Variants in WDR76 observed in about 807,000 individuals in gnomAD.
The protein encoded by WDR76 is WD repeat domain 76.
In WDR76, 52 loss-of-function variants were observed where a neutral mutation model predicts 70.2. The ratio of observed to expected loss-of-function variants is 0.74; its 90% CI spans 0.59 to 0.93. The LOEUF is 0.93. Among genes scored for constraint, WDR76 ranks in the 40% least tolerant of loss-of-function variants. WDR76 has a pLI of 0.00. For synonymous variants in WDR76, 292 were observed against 271.1 expected, an observed-to-expected ratio of 1.08 and a Z score of -0.76; for missense variants, 756 against 760.2, an observed-to-expected ratio of 0.99 and a Z score of 0.07.
At chr15:43,856,794 C>A (rs2087933308) in intron 9 of WDR76, 152 bp from the exon 10 acceptor site, 1 of 641,140 alleles carries the variant, frequency 1.6e-6, no homozygotes, top group Non-Finnish European at 2.7e-6. Flanking sequence ...GACTGTGTTT[C>A]CATTATGTCC....
intron 8 of WDR76, among the ~76,000 whole-genome samples, chr15:43,845,402 C>T (rs970647052): frequency 1.3e-5 from 2 of 150,024 alleles, no homozygotes; most frequent in African/African-American, 4.8e-5. Flanking sequence ...AGATTAGTGC[C>T]CTTATAAAAG....
intron 8 of WDR76, 22 bp from the exon 9 acceptor site, chr15:43,851,065 C>G: frequency 6.2e-7 from 1 of 1,610,380 alleles, no homozygotes; most frequent in South Asian, 1.1e-5. Context: ...TCTCTCTCCC[C>G]TTTCCCGCAA....
intron 8 of WDR76, among the ~76,000 whole-genome samples, chr15:43,850,148 A>G (rs1595447336): frequency 6.6e-6 from 1 of 152,284 alleles, no homozygotes; most frequent in East Asian, 1.9e-4. Flanking sequence ...GCATAGAAAC[A>G]TAACTTGTTC....
In WDR76 at chr15:43,828,382, G is replaced by A; in HGVS notation, c.462+16G>A. The A allele has an allele frequency of 6.4e-7, 1 of 1,572,458 alleles. No individual in the cohort carries two copies. Among genetic ancestry groups the A allele is most frequent in the Non-Finnish European group, 8.6e-7 (1 of 1,162,962 alleles). ...ACCATCCCTGGTAAGAACTTAATTA[G>A]TAGCTTGTTCTGGTTTCTCTTTTTT... On this transcript the variant is annotated intron_variant, in intron 2 of 12. Transcript: ENST00000263795.
intron 12 of WDR76, 25 bp from the exon 13 acceptor site, chr15:43,866,103 A>C (rs1270158187): frequency 1.2e-6 from 2 of 1,609,692 alleles, no homozygotes; most frequent in Non-Finnish European, 1.7e-6. Context: ...ACTTCATTTA[A>C]AAAATATATT....
chr15:43,828,144 G>T lies in WDR76; in HGVS notation c.240G>T (p.Ala80=). Residue 80 remains alanine (A), a synonymous_variant, in exon 2 of 13, where the codon GCG becomes GCT. Coordinates refer to ENST00000263795, the MANE Select transcript of WDR76 (RefSeq NM_024908.4). ...LSEKNSNNEV[A]CKKTKIKKTC... ...AAAAGAATTCTAACAATGAAGTGGC[G>T]TGTAAGAAGACTAAAATAAAGAAAA... The T allele has an allele frequency of 1.9e-6, 3 of 1,614,116 alleles. No individual in the cohort carries two copies. Among genetic ancestry groups the T allele is most frequent in the Non-Finnish European group, 2.5e-6 (3 of 1,180,042 alleles).
rs2087754903 is a variant in WDR76, at chr15:43,843,882, A to G, written c.879-19A>G. The G allele has an allele frequency of 2.0e-6, 3 of 1,538,394 alleles. No homozygotes were observed. Among genetic ancestry groups the G allele is most frequent in the Non-Finnish European group, 2.6e-6 (3 of 1,141,200 alleles). ...GAGATTGGTTTTACTTACAAAATTT[A>G]ACTTTGTAATTTTCTTAGCTACAAA... On this transcript the variant is annotated intron_variant, in intron 7 of 12. Transcript: ENST00000263795.
At chr15:43,838,919 AG>A (rs1363722087) in intron 4 of WDR76, among the ~76,000 whole-genome samples, 1 of 152,174 alleles carries the variant, frequency 6.6e-6, no homozygotes, top group African/African-American at 2.4e-5. Context: ...TACAGTTTTT[AG>A]TATATAGTAT....
chr15:43,844,360 G>A (rs1298033017), intron 8 of WDR76, among the ~76,000 whole-genome samples: 1 of 152,192 alleles, frequency 6.6e-6, no homozygotes, highest in East Asian at 1.9e-4. Flanking sequence ...GGTCACGCCT[G>A]TAATGCCAGC....
chr15:43,835,411 T>G (rs1405048688), intron 3 of WDR76, among the ~76,000 whole-genome samples: 1 of 148,920 alleles, frequency 6.7e-6, no homozygotes, highest in Non-Finnish European at 1.5e-5. Flanking sequence ...ATGGCTTGAG[T>G]TTGGAAAGTC....
chr15:43,845,006 G>A (rs1260261748), intron 8 of WDR76, among the ~76,000 whole-genome samples: 1 of 138,340 alleles, frequency 7.2e-6, no homozygotes, highest in African/African-American at 2.6e-5. Context: ...CTGTCGCCCA[G>A]GCTGGAGTGC....
chr15:43,842,164 G>C (rs2140302340), intron 5 of WDR76, among the ~76,000 whole-genome samples: 1 of 152,270 alleles, frequency 6.6e-6, no homozygotes, highest in South Asian at 2.1e-4. Flanking sequence ...TCAATCCACT[G>C]TCTTTAAAAT....
chr15:43,839,798 A>G (rs2087702247), intron 5 of WDR76, 70 bp downstream of exon 5: 1 of 1,427,410 alleles, frequency 7.0e-7, no homozygotes, highest in Non-Finnish European at 9.4e-7. Flanking sequence ...TTGAAACTAG[A>G]CTAAAAGTTC....
Position 43,827,015 on chromosome 15 carries a change from C to A in WDR76, c.-18C>A. On this transcript the variant is annotated 5_prime_UTR_variant, in exon 1 of 13. Coordinates refer to ENST00000263795, the MANE Select transcript of WDR76 (RefSeq NM_024908.4). ...CGCAATCTTGGCGGGAAGGCGCCGG[C>A]CGCTAAGAAGCCGAAAGATGTCCAG... 6.2e-7 allele frequency: 1 copy of A among 1,612,904 alleles called. No homozygotes were observed. Among genetic ancestry groups the A allele is most frequent in the Non-Finnish European group, 8.5e-7 (1 of 1,179,836 alleles).
chr15:43,839,457 A>G, intron 4 of WDR76, 148 bp from the exon 5 acceptor site: 3 of 825,456 alleles, frequency 3.6e-6, no homozygotes, highest in Non-Finnish European at 5.1e-6. Context: ...CATACTTCTT[A>G]TTAAGATAAT....
chr15:43,841,250 T>A (rs1198094905), intron 5 of WDR76, among the ~76,000 whole-genome samples: 2 of 148,132 alleles, frequency 1.4e-5, no homozygotes, highest in African/African-American at 5.0e-5. Context: ...TTGCCCAGGC[T>A]GGAGTGCGGT....
intron 9 of WDR76, among the ~76,000 whole-genome samples, chr15:43,852,960 C>T (rs979567347): frequency 2.6e-5 from 4 of 152,132 alleles, no homozygotes; most frequent in African/African-American, 9.7e-5. Flanking sequence ...GCAATCTTGG[C>T]TCACTGCAAC....
At chr15:43,853,959 G>T (rs2087896689) in intron 9 of WDR76, among the ~76,000 whole-genome samples, 2 of 151,564 alleles carry the variant, frequency 1.3e-5, no homozygotes, top group African/African-American at 4.8e-5. Flanking sequence ...ATAAGCACAT[G>T]AAAAGATTCT....
At chr15:43,835,509 C>T (rs1013015557) in intron 3 of WDR76, among the ~76,000 whole-genome samples, 2 of 135,598 alleles carry the variant, frequency 1.5e-5, no homozygotes, top group African/African-American at 2.7e-5. Context: ...CAACAAGAGC[C>T]GTAAAACCCA....
Sources: allele counts gnomAD v4.1 joint callset (sites outside exome capture counted in the v4.1 genomes callset), GRCh38; gene constraint gnomAD v4.1.1; transcripts MANE v1.5; gene names NCBI Gene and HGNC (gene_info 2026-07-23, HGNC 2026-07-21).